Variants in HARBI1 observed in about 807,000 individuals in gnomAD.
HARBI1 encodes the protein harbinger transposase derived 1, also known as putative nuclease HARBI1.
Under a neutral mutation model 25.3 loss-of-function variants are expected in HARBI1, and 15 were observed. The ratio of observed to expected loss-of-function variants is 0.59; its 90% CI spans 0.40 to 0.91. The LOEUF is 0.91. HARBI1 is among the 40% of genes least tolerant of loss of function. The pLI is 0.00. For missense variants in HARBI1, 396 were observed against 445.8 expected, an observed-to-expected ratio of 0.89 and a Z score of 1.01; for synonymous variants, 168 against 160.5, an observed-to-expected ratio of 1.05 and a Z score of -0.35.
In HARBI1 at chr11:46,603,539, ATGAG is replaced by A; in HGVS notation, c.1037_1040del (p.Thr346IlefsTer32). 2 of 1,586,344 alleles carry A rather than the reference ATGAG, an allele frequency of 1.3e-6. No homozygotes were observed. Among genetic ancestry groups the A allele is most frequent in the Non-Finnish European group, 1.7e-6 (2 of 1,163,700 alleles). ...CTCTCCACCTTCTACATTAGCTAAA[ATGAG>A]TGAGCATTAGCTCCTGACGAATACG... On this transcript the variant is annotated frameshift_variant, in exon 3 of 3. Coordinates refer to ENST00000326737, the MANE Select transcript of HARBI1 (RefSeq NM_173811.4). LOFTEE classifies it high-confidence loss of function.
intron 2 of HARBI1, among the ~76,000 whole-genome samples, chr11:46,605,068 G>C (rs1472312190): frequency 6.6e-6 from 1 of 152,166 alleles, no homozygotes; most frequent in Non-Finnish European, 1.5e-5. Context: ...AAACCTCTTA[G>C]AAATTTGAGA....
chr11:46,603,464 A>T lies in HARBI1; in HGVS notation c.*66T>A. ...GTCATGCTAGATGATGGAACTGTGT[A>T]AAAGGTGATGAGGAGGAAAGTCTGT... On this transcript the variant is annotated 3_prime_UTR_variant, in exon 3 of 3. Coordinates refer to ENST00000326737, the MANE Select transcript of HARBI1 (RefSeq NM_173811.4). 1.5e-6 allele frequency: 2 copies of T among 1,371,980 alleles called. No homozygotes were observed. Among genetic ancestry groups the T allele is most frequent in the South Asian group, 2.7e-5 (2 of 72,914 alleles). The allele number at this position is 1,371,980 out of a possible 1,614,324, so 85.0% of individuals were successfully genotyped here.
chr11:46,603,929 A>C lies in HARBI1; in HGVS notation c.671-20T>G. The C allele has an allele frequency of 1.9e-6, 3 of 1,584,512 alleles. No homozygotes were observed. The highest frequency in any genetic ancestry group is 2.6e-6 in the Non-Finnish European group (3 of 1,166,258). ...TGTCACCTGTGGGGAAGGCCCAAAT[A>C]AATCATAAATGACTATAAGTGGAAT... On this transcript the variant is annotated intron_variant, in intron 2 of 2. Transcript: ENST00000326737.
chr11:46,616,274 C>T lies in HARBI1; in HGVS notation c.-37G>A, dbSNP rs1186734690. The T allele has an allele frequency of 6.4e-7, 1 of 1,570,702 alleles. No individual in the cohort carries two copies. The highest frequency in any genetic ancestry group is 8.6e-7 in the Non-Finnish European group (1 of 1,163,186). On this transcript the variant is annotated 5_prime_UTR_variant, in exon 2 of 3. Transcript: ENST00000326737. ...ATGTTGGCTCTCCTCTTTGCTTTTT[C>T]TGAACTGTTCCCAATGAAGATGTTG...
rs2045455477 is a variant in HARBI1 at position 46,616,271 on chromosome 11, T to C, written c.-34A>G. ...TGAATGTTGGCTCTCCTCTTTGCTT[T>C]TTCTGAACTGTTCCCAATGAAGATG... On this transcript the variant is annotated 5_prime_UTR_variant, in exon 2 of 3. Transcript: ENST00000326737. 6.3e-7 allele frequency: 1 copy of C among 1,576,064 alleles called. No homozygotes were observed. Among genetic ancestry groups the C allele is most frequent in the Non-Finnish European group, 8.6e-7 (1 of 1,165,436 alleles).
intron 2 of HARBI1, among the ~76,000 whole-genome samples, chr11:46,605,066 T>C (rs896776292): frequency 6.6e-6 from 1 of 152,166 alleles, no homozygotes; most frequent in African/African-American, 2.4e-5. Flanking sequence ...CAAAACCTCT[T>C]AGAAATTTGA....
At chr11:46,607,108 T>C (rs1265226505) in intron 2 of HARBI1, among the ~76,000 whole-genome samples, 1 of 151,892 alleles carries the variant, frequency 6.6e-6, no homozygotes, top group Non-Finnish European at 1.5e-5. Context: ...CTACTAAAAA[T>C]ACAAAAATTA....
At position 46,616,379 on chromosome 11, in the gene HARBI1, T is replaced by A. The variant is rs2045465900; in HGVS notation, c.-142A>T. 58 of 1,440,808 alleles carry A rather than the reference T, an allele frequency of 4.0e-5. 2 individuals carry two copies. The South Asian group carries it at 7.9e-4, about 20-fold the overall frequency. 89.3% of individuals were successfully genotyped at this position (1,440,808 alleles called of 1,614,324 possible). A position where few individuals can be genotyped will look rare whatever the true frequency, so the allele number is the denominator to read the frequency against. On this transcript the variant is annotated splice_region_variant and 5_prime_UTR_variant, in exon 2 of 3. Coordinates refer to ENST00000326737, the MANE Select transcript of HARBI1 (RefSeq NM_173811.4). ...AATGGCTCTGCCATTTATAATCTTC[T>A]CTCTGTAAATGTTAAAAGAAAAAAC...
intron 2 of HARBI1, among the ~76,000 whole-genome samples, chr11:46,611,004 C>CTTTTT (rs1308203480): frequency 2.8e-5 from 3 of 106,958 alleles, no homozygotes; most frequent in African/African-American, 3.9e-5. Flanking sequence ...TTATTTAACT[C>CTTTTT]TTTTTTTTTT....
intron 2 of HARBI1, among the ~76,000 whole-genome samples, chr11:46,613,620 T>C (rs1459074049): frequency 2.6e-5 from 4 of 151,646 alleles, no homozygotes; most frequent in Non-Finnish European, 4.4e-5. Flanking sequence ...GTAGCTGGGA[T>C]TATAGGCGCG....
chr11:46,604,572 T>C (rs1345270851), intron 2 of HARBI1: 1 of 985,264 alleles, frequency 1.0e-6, no homozygotes, highest in East Asian at 1.1e-4. Flanking sequence ...AAAACACTTG[T>C]GAGGGGAAGT....
chr11:46,607,548 T>C (rs2045003237), intron 2 of HARBI1, among the ~76,000 whole-genome samples: 4 of 152,172 alleles, frequency 2.6e-5, no homozygotes, highest in African/African-American at 7.2e-5. Context: ...CTCTAAGAAA[T>C]GGTATGAGTC....
In HARBI1 at chr11:46,617,118, AC is replaced by A; in HGVS notation, c.-145+5del. The A allele has an allele frequency of 8.0e-6, 4 of 502,472 alleles. No homozygotes were observed. The highest frequency in any genetic ancestry group is 1.0e-5 in the Non-Finnish European group (4 of 388,946). The allele number at this position is 502,472 out of a possible 1,614,324, so 31.1% of individuals were successfully genotyped here. A position where few individuals can be genotyped will look rare whatever the true frequency, so the allele number is the denominator to read the frequency against. On this transcript the variant is annotated splice_donor_5th_base_variant and intron_variant, in intron 1 of 2. Transcript: ENST00000326737. The stretch of plus-strand genomic sequence containing the variant: ...GCCACTCAGTTAGCCCAGGCCCGTC[AC>A]CCACCTCTCCGCGGCTGCCAGGTTA...
chr11:46,614,537 A>G (rs1565351228), intron 2 of HARBI1, among the ~76,000 whole-genome samples: 1 of 152,138 alleles, frequency 6.6e-6, no homozygotes, highest in Admixed American at 6.5e-5. Flanking sequence ...GGAGCTCAAG[A>G]CTAGTCTGGT....
intron 2 of HARBI1, among the ~76,000 whole-genome samples, chr11:46,612,752 C>T (rs2045231771): frequency 6.6e-6 from 1 of 150,688 alleles, no homozygotes; most frequent in Non-Finnish European, 1.5e-5. Context: ...CTCACTGCAA[C>T]CTCTGCCTCC....
At chr11:46,604,474 C>G in intron 2 of HARBI1, 1 of 963,044 alleles carries the variant, frequency 1.0e-6, no homozygotes, top group Non-Finnish European at 1.2e-6. Context: ...TTAATAAAAC[C>G]AAATAAAATC....
In HARBI1 at chr11:46,603,493, A is replaced by G. The variant is rs770599417; in HGVS notation, c.*37T>C. Reference sequence around the variant, plus strand: ...GGTGATGAGGAGGAAAGTCTGTCACAACTCCTGGGAAGTATCCCTCCTCTC... The same window carrying G: ...GGTGATGAGGAGGAAAGTCTGTCACGACTCCTGGGAAGTATCCCTCCTCTC... On this transcript the variant is annotated 3_prime_UTR_variant, in exon 3 of 3. Transcript: ENST00000326737. 1 of 1,531,170 alleles carries G rather than the reference A, an allele frequency of 6.5e-7. No homozygotes were observed. Among genetic ancestry groups the G allele is most frequent in the Non-Finnish European group, 8.8e-7 (1 of 1,135,752 alleles). 94.8% of individuals were successfully genotyped at this position (1,531,170 alleles called of 1,614,324 possible).
intron 2 of HARBI1, among the ~76,000 whole-genome samples, chr11:46,608,930 T>C (rs909385371): frequency 2.0e-4 from 30 of 149,778 alleles, no homozygotes; most frequent in Non-Finnish European, 3.1e-4. Context: ...TTTTTTTCTT[T>C]TTTTTTTTTT....
chr11:46,608,473 A>C (rs1449437865), intron 2 of HARBI1, among the ~76,000 whole-genome samples: 2 of 152,076 alleles, frequency 1.3e-5, no homozygotes. Context: ...GATTTAGGGT[A>C]TCTCTCTGTT....
Sources: allele counts gnomAD v4.1 joint callset (sites outside exome capture counted in the v4.1 genomes callset), GRCh38; gene constraint gnomAD v4.1.1; transcripts MANE v1.5; gene names NCBI Gene and HGNC (gene_info 2026-07-23, HGNC 2026-07-21).